Variants in PXDNL observed in about 807,000 individuals in gnomAD.
PXDNL encodes probable oxidoreductase PXDNL.
PXDNL carries 145 observed loss-of-function variants against 150.8 expected under a neutral mutation model. The ratio of observed to expected loss-of-function variants is 0.96; its 90% CI spans 0.84 to 1.10. The LOEUF (loss-of-function observed/expected upper bound fraction) is 1.10, where lower values mean the gene tolerates loss of function less well. PXDNL is among the 50% of genes least tolerant of loss of function. PXDNL has a pLI of 0.00. For synonymous variants in PXDNL, 757 were observed against 725.7 expected (o/e 1.04, Z -0.69); for missense variants, 2,087 against 1,873.9 (o/e 1.11, Z -2.10).
intron 1 of PXDNL, among the ~76,000 whole-genome samples, chr8:51,703,361 T>G (rs1816296990): frequency 6.6e-6 from 1 of 152,186 alleles, no homozygotes; most frequent in Non-Finnish European, 1.5e-5. Context: ...AGAAAACATT[T>G]CAAAATATTT....
At chr8:51,551,075 CAACAAACA>C (rs549871605) in intron 4 of PXDNL, among the ~76,000 whole-genome samples, 11 of 147,062 alleles carry the variant, frequency 7.5e-5, no homozygotes, top group Non-Finnish European at 1.3e-4. Context: ...AGCTGAAAAA[CAACAAACA>C]AACAAACAAA....
intron 2 of PXDNL, among the ~76,000 whole-genome samples, chr8:51,613,837 G>C (rs1029288886): frequency 6.6e-6 from 1 of 152,158 alleles, no homozygotes; most frequent in Admixed American, 6.5e-5. Context: ...CATTGCTTAA[G>C]TGAAAGTCAA....
intron 2 of PXDNL, among the ~76,000 whole-genome samples, chr8:51,597,842 G>A (rs1384870114): frequency 1.3e-5 from 2 of 151,904 alleles, no homozygotes; most frequent in Non-Finnish European, 2.9e-5. Context: ...AGCCTCCCGA[G>A]TAGCTGGGAT....
At chr8:51,597,751 G>C (rs1309619971) in intron 2 of PXDNL, among the ~76,000 whole-genome samples, 1 of 146,442 alleles carries the variant, frequency 6.8e-6, no homozygotes, top group African/African-American at 2.6e-5. Context: ...TTTCACTCTT[G>C]TTGCCCAGGC....
At chr8:51,642,181 G>A (rs1814776157) in intron 2 of PXDNL, among the ~76,000 whole-genome samples, 1 of 149,046 alleles carries the variant, frequency 6.7e-6, no homozygotes, top group Admixed American at 6.8e-5. Context: ...ACAGGAAGGG[G>A]AACATCATAC....
At chr8:51,363,309 T>C (rs940210224) in intron 19 of PXDNL, among the ~76,000 whole-genome samples, 7 of 151,982 alleles carry the variant, frequency 4.6e-5, no homozygotes, top group African/African-American at 1.7e-4. Flanking sequence ...GTGAAGGTAC[T>C]GTAACAGGAC....
intron 1 of PXDNL, among the ~76,000 whole-genome samples, chr8:51,744,342 G>A (rs901120720): frequency 6.7e-6 from 1 of 149,576 alleles, no homozygotes; most frequent in African/African-American, 2.5e-5. Context: ...AGGAAAGAGA[G>A]AAAGAGAGAA....
intron 1 of PXDNL, among the ~76,000 whole-genome samples, chr8:51,798,388 T>G (rs1298900202): frequency 6.6e-6 from 1 of 151,980 alleles, no homozygotes; most frequent in Non-Finnish European, 1.5e-5. Flanking sequence ...ATCATCAGAG[T>G]GAACAGACAA....
chr8:51,574,843 C>T (rs1169927648), intron 3 of PXDNL, among the ~76,000 whole-genome samples: 2 of 151,954 alleles, frequency 1.3e-5, no homozygotes, highest in Non-Finnish European at 2.9e-5. Context: ...TAAACCAAGA[C>T]ATTCTCAGAT....
intron 3 of PXDNL, among the ~76,000 whole-genome samples, chr8:51,579,807 T>C (rs900383685): frequency 2.1e-4 from 32 of 152,078 alleles, no homozygotes; most frequent in Middle Eastern, 6.8e-3. Context: ...TAATAAACTA[T>C]TGATATTACG....
rs112579019 is a variant in PXDNL at position 51,608,603 on chromosome 8, C to T, written c.237-15905G>A. ...CTGTAATCCCAGCACTTTGGGAGGC[C>T]AAGGCGGGCAGATCACGAGGTCAGG... On this transcript the variant is annotated intron_variant, in intron 2 of 22. Transcript: ENST00000356297. Among the ~76,000 whole-genome samples, 7 of 147,764 alleles carry T rather than the reference C, an allele frequency of 4.7e-5. 2 individuals are homozygous for T. The highest frequency in any genetic ancestry group is 1.8e-4 in the African/African-American group (7 of 38,476).
At chr8:51,643,130 T>G (rs1045086703) in intron 2 of PXDNL, among the ~76,000 whole-genome samples, 3 of 152,172 alleles carry the variant, frequency 2.0e-5, no homozygotes, top group African/African-American at 7.2e-5. Context: ...AGGTAATTTA[T>G]AGATACAATG....
At chr8:51,431,500 G>C (rs773836068) in intron 12 of PXDNL, among the ~76,000 whole-genome samples, 2 of 152,116 alleles carry the variant, frequency 1.3e-5, no homozygotes, top group African/African-American at 4.8e-5. Flanking sequence ...CAAAATTCCA[G>C]TCTTTATTGA....
At position 51,631,044 on chromosome 8, in the gene PXDNL, C is replaced by T. The variant is rs115534449; in HGVS notation, c.236+23645G>A. On this transcript the variant is annotated intron_variant, in intron 2 of 22. Transcript: ENST00000356297. ...CAGAATCAACTTAAAAGGCCATCAA[C>T]GGTAAACTGGATAAAGAAAATGTAG... Among the ~76,000 whole-genome samples the T allele has an allele frequency of 4.7e-3, 716 of 152,162 alleles. 7 individuals carry two copies. The highest frequency in any genetic ancestry group is 0.016 in the African/African-American group (675 of 41,528).
At chr8:51,570,740 C>A (rs1812915049) in intron 3 of PXDNL, among the ~76,000 whole-genome samples, 1 of 151,574 alleles carries the variant, frequency 6.6e-6, no homozygotes, top group Non-Finnish European at 1.5e-5. Context: ...TTTGATAATT[C>A]CAGCATTCAA....
At chr8:51,572,264 T>A (rs569938423) in intron 3 of PXDNL, among the ~76,000 whole-genome samples, 1 of 151,922 alleles carries the variant, frequency 6.6e-6, no homozygotes, top group Admixed American at 6.6e-5. Flanking sequence ...AACAGATACA[T>A]GCAAAGCAGT....
At chr8:51,362,114 A>T (rs538988431) in intron 19 of PXDNL, among the ~76,000 whole-genome samples, 1 of 152,254 alleles carries the variant, frequency 6.6e-6, no homozygotes, top group East Asian at 1.9e-4. Context: ...AGTTTAAGTG[A>T]CTAATTGATA....
At chr8:51,322,873 A>G (rs973329180) in intron 21 of PXDNL, among the ~76,000 whole-genome samples, 1 of 152,202 alleles carries the variant, frequency 6.6e-6, no homozygotes, top group Non-Finnish European at 1.5e-5. Context: ...CCACCCATTC[A>G]TTACTCAATA....
intron 4 of PXDNL, among the ~76,000 whole-genome samples, chr8:51,532,224 G>GA (rs1046795782): frequency 4.6e-5 from 7 of 151,536 alleles, no homozygotes; most frequent in East Asian, 1.9e-4. Context: ...CCAGAATTAA[G>GA]AAAAAAAAGA....
Sources: allele counts gnomAD v4.1 joint callset (sites outside exome capture counted in the v4.1 genomes callset), GRCh38; gene constraint gnomAD v4.1.1; transcripts MANE v1.5; gene names NCBI Gene and HGNC (gene_info 2026-07-23, HGNC 2026-07-21).